Variants in CHD5 observed in about 807,000 individuals in gnomAD.
CHD5 encodes the protein ATP-dependent chromatin remodeler CHD5.
In CHD5, 69 loss-of-function variants were observed where a neutral mutation model predicts 230.3. That is an observed-to-expected ratio of 0.30 (90% CI 0.25 to 0.37). The LOEUF is 0.37. CHD5 is among the 10% of genes least tolerant of loss of function. CHD5 has a pLI of 1.00. For synonymous variants in CHD5, 1,064 were observed against 1,065.9 expected (o/e 1.00, Z 0.03); for missense variants, 1,827 against 2,622.8 (o/e 0.70, Z 6.63).
In CHD5 at chr1:6,136,860, T is replaced by G. The variant is rs1290392160; in HGVS notation, c.2442A>C (p.Glu814Asp). 2 of 1,606,576 alleles carry G rather than the reference T, an allele frequency of 1.2e-6. No individual in the cohort carries two copies. Residue 814 changes from glutamate to aspartate, a missense_variant, in exon 16 of 42, where the codon GAA becomes GAC. Physicochemically the swap from Glu to Asp is conservative, Grantham distance 45 (BLOSUM62 2). Around this residue, in one of 14 missense-constraint regions of CHD5, gnomAD observed 80 missense variants for 96.4 expected, o/e 0.83. Transcript: ENST00000262450. ...GCAGCACGTGGAATTTGATCTGCAC[T>G]TCTTTCTGGAGAAAAGAGGGGCATT... is the stretch of plus-strand genomic sequence containing the variant. Reference protein sequence around the residue: ...SGKKVFRMKKEVQIKFHVLLT... With the variant: ...SGKKVFRMKKDVQIKFHVLLT...
Position 6,146,632 on chromosome 1 carries a change from G to C in CHD5, c.1590+33C>G. 1 of 1,607,500 alleles carries C rather than the reference G, an allele frequency of 6.2e-7. No individual in the cohort carries two copies. Among genetic ancestry groups the C allele is most frequent in the South Asian group, 1.1e-5 (1 of 90,902 alleles). On this transcript the variant is annotated intron_variant, in intron 10 of 41. Coordinates refer to ENST00000262450, the MANE Select transcript of CHD5 (RefSeq NM_015557.3). The surrounding 1 kb of genome is among the most constrained non-coding windows in gnomAD (Gnocchi z 5.1). ...AGGGTCCAGGGCTCACCAGGTCCCGGGCCTTAGCACAGCCACCCTCCCGGG... is the reference window on the plus strand; with the variant it reads ...AGGGTCCAGGGCTCACCAGGTCCCGCGCCTTAGCACAGCCACCCTCCCGGG...
chr1:6,132,183 C>T (rs565526823), intron 20 of CHD5, among the ~76,000 whole-genome samples: 19 of 152,266 alleles, frequency 1.2e-4, no homozygotes, highest in African/African-American at 3.4e-4. Flanking sequence ...GATTTCACTC[C>T]TCCCCATAAG....
In CHD5 at chr1:6,141,569, C is replaced by T. The variant is rs1028292197; in HGVS notation, c.2436+559G>A. Among the ~76,000 whole-genome samples the T allele has an allele frequency of 2.1e-5, 3 of 143,082 alleles. No homozygotes were observed. In the South Asian group the frequency reaches 6.8e-4, roughly 32 times the overall value. 93.9% of individuals were successfully genotyped at this position (143,082 alleles called of 152,430 possible). On this transcript the variant is annotated intron_variant, in intron 15 of 41. Coordinates refer to ENST00000262450, the MANE Select transcript of CHD5 (RefSeq NM_015557.3). ...CGGGGAGGTTGCAGTGAGTCGAGAT[C>T]GCCCCACTGCACTCCAGCCTGGGCG...
chr1:6,115,750 C>T (rs1414278137), intron 33 of CHD5, among the ~76,000 whole-genome samples: 1 of 152,152 alleles, frequency 6.6e-6, no homozygotes, highest in Non-Finnish European at 1.5e-5. Flanking sequence ...TCAACCCACT[C>T]GATACTTTGA....
intron 37 of CHD5, 44 bp downstream of exon 37, chr1:6,110,350 G>A (rs375410975): frequency 1.6e-5 from 25 of 1,574,096 alleles, no homozygotes; most frequent in Middle Eastern, 1.7e-4. Context: ...TCCTGACACC[G>A]TCCCTCCCTG....
At chr1:6,175,161 G>GTGGA in intron 1 of CHD5, among the ~76,000 whole-genome samples, 1 of 150,494 alleles carries the variant, frequency 6.6e-6, no homozygotes, top group African/African-American at 2.4e-5. Flanking sequence ...TGGATGGATG[G>GTGGA]TGGGCGGATG....
Position 6,155,048 on chromosome 1 carries a change from T to C in CHD5, c.507-150A>G, listed in dbSNP as rs541597802. The C allele has an allele frequency of 6.7e-6, 5 of 742,972 alleles. No homozygotes were observed. The highest frequency in any genetic ancestry group is 5.6e-5 in the East Asian group (2 of 35,646). 46.0% of individuals were successfully genotyped at this position (742,972 alleles called of 1,614,324 possible). A position where few individuals can be genotyped will look rare whatever the true frequency, so the allele number is the denominator to read the frequency against. On this transcript the variant is annotated intron_variant, in intron 4 of 41. Transcript: ENST00000262450. This position sits in a 1 kb window ranked among gnomAD's most constrained non-coding sequence, Gnocchi z 4.0. ...TAGAGAGATTAGGCGGGAAACCCACTGACCACAGCCCACCCCCAAAACGCC... is the reference window on the plus strand; with the variant it reads ...TAGAGAGATTAGGCGGGAAACCCACCGACCACAGCCCACCCCCAAAACGCC...
intron 8 of CHD5, 73 bp from the exon 9 acceptor site, chr1:6,149,148 C>A (rs1666957448): frequency 6.8e-7 from 1 of 1,469,398 alleles, no homozygotes; most frequent in Non-Finnish European, 9.0e-7. Flanking sequence ...CCTCCCTCCC[C>A]TACAGCATCT....
chr1:6,128,208 C>T lies in CHD5; in HGVS notation c.3741G>A (p.Lys1247=). The change falls in exon 25 of 42, where the codon AAG becomes AAA. Residue 1247 remains lysine (K), a synonymous_variant. Transcript: ENST00000262450. The surrounding 1 kb of genome is among the most constrained non-coding windows in gnomAD (Gnocchi z 7.8). The part of the protein sequence containing the change: ...KHGSTPPGDN[K]DVEDSSVIHY... ...GGATCACACTGCTGTCCTCCACGTC[C>T]TTGTTGTCACCTGGGGAGCAGGCAA... is the stretch of plus-strand genomic sequence containing the variant. The T allele has an allele frequency of 6.2e-7, 1 of 1,613,994 alleles. No homozygotes were observed. Among genetic ancestry groups the T allele is most frequent in the East Asian group, 2.2e-5 (1 of 44,876 alleles).
chr1:6,162,910 G>C (rs1667200133), intron 2 of CHD5, among the ~76,000 whole-genome samples: 1 of 152,210 alleles, frequency 6.6e-6, no homozygotes, highest in Non-Finnish European at 1.5e-5. Flanking sequence ...ATGGCAAGCA[G>C]TCCCCTCGGC....
intron 6 of CHD5, among the ~76,000 whole-genome samples, chr1:6,151,572 G>C (rs1434039076): frequency 6.6e-6 from 1 of 152,226 alleles, no homozygotes; most frequent in Admixed American, 6.5e-5. Context: ...TACATCACGG[G>C]CTCTCCACCA....
Position 6,179,328 on chromosome 1 carries a change from G to A in CHD5, c.79+617C>T, listed in dbSNP as rs376796752. 9.2e-5 allele frequency among the ~76,000 whole-genome samples: 14 copies of A among 152,258 alleles called. No homozygotes were observed. The East Asian group carries it at 2.3e-3, about 25-fold the overall frequency. On this transcript the variant is annotated intron_variant, in intron 1 of 41. Coordinates refer to ENST00000262450, the MANE Select transcript of CHD5 (RefSeq NM_015557.3). ...CCGGGTAAAGTGCTTGGGAGCGGCG[G>A]TCACAGCGCACAGAGGCCAGGAAAG...
At chr1:6,164,788 C>T (rs1667227511) in intron 2 of CHD5, among the ~76,000 whole-genome samples, 1 of 152,224 alleles carries the variant, frequency 6.6e-6, no homozygotes, top group African/African-American at 2.4e-5. Context: ...GGCCTCTTGT[C>T]CATCCCAGCC....
rs759025918 is a variant in CHD5, at chr1:6,142,604, G to A, written c.2045C>T (p.Pro682Leu). 2 of 1,609,656 alleles carry A rather than the reference G, an allele frequency of 1.2e-6. No homozygotes were observed. The highest frequency in any genetic ancestry group is 1.7e-6 in the Non-Finnish European group (2 of 1,177,796). Reference sequence around the variant, plus strand: ...TGGCTGCTTGTCGAACTTGACCGTGGGCTGCAGGGGAGGCAGCGGTTCAGA... The same window carrying A: ...TGGCTGCTTGTCGAACTTGACCGTGAGCTGCAGGGGAGGCAGCGGTTCAGA... ...EKPPDTPIVD[P>L]TVKFDKQPWY... Residue 682 changes from proline (P) to leucine (L), a missense_variant and splice_region_variant, in exon 14 of 42, where the codon CCC (proline) becomes CTC (leucine). Pro to Leu is a moderately conservative substitution (Grantham distance 98). Transcript: ENST00000262450. This position sits in a 1 kb window ranked among gnomAD's most constrained non-coding sequence, Gnocchi z 5.2.
rs771393714 is a variant in CHD5, at chr1:6,155,903, C to T, written c.388-186G>A. On this transcript the variant is annotated intron_variant, in intron 3 of 41. Coordinates refer to ENST00000262450, the MANE Select transcript of CHD5 (RefSeq NM_015557.3). The surrounding 1 kb of genome is among the most constrained non-coding windows in gnomAD (Gnocchi z 4.0). Reference sequence around the variant, plus strand: ...GCCCTGCAGCCCCGCAGCCCCGCAGCCCCCAATCTGTGCCACGTCTCAGAT... The same window carrying T: ...GCCCTGCAGCCCCGCAGCCCCGCAGTCCCCAATCTGTGCCACGTCTCAGAT... 3.9e-5 allele frequency among the ~76,000 whole-genome samples: 6 copies of T among 152,230 alleles called. No homozygotes were observed. Among genetic ancestry groups the T allele is most frequent in the Admixed American group, 1.3e-4 (2 of 15,280 alleles).
chr1:6,168,110 C>G, intron 2 of CHD5, 40 bp downstream of exon 2: 1 of 1,572,734 alleles, frequency 6.4e-7, no homozygotes, highest in Non-Finnish European at 8.7e-7. Flanking sequence ...GCCACAACCC[C>G]ACCCGCCCCA....
chr1:6,128,456 C>T lies in CHD5; in HGVS notation c.3730+43G>A. The T allele has an allele frequency of 6.7e-7, 1 of 1,496,738 alleles. No individual in the cohort carries two copies. Among genetic ancestry groups the T allele is most frequent in the Non-Finnish European group, 9.3e-7 (1 of 1,076,286 alleles). The allele number at this position is 1,496,738 out of a possible 1,614,324, so 92.7% of individuals were successfully genotyped here. A position where few individuals can be genotyped will look rare whatever the true frequency, so the allele number is the denominator to read the frequency against. On this transcript the variant is annotated intron_variant, in intron 24 of 41. Coordinates refer to ENST00000262450, the MANE Select transcript of CHD5 (RefSeq NM_015557.3). The surrounding 1 kb of genome is among the most constrained non-coding windows in gnomAD (Gnocchi z 7.8). ...ACCCCTCCTCTGCAGGAGCAGCCAC[C>T]TGGTCGGAGGAGGAGCTGAGGCTGG...
At chr1:6,108,741 GAC>G (rs895317864) in intron 38 of CHD5, among the ~76,000 whole-genome samples, 1 of 150,074 alleles carries the variant, frequency 6.7e-6, no homozygotes, top group African/African-American at 2.5e-5. Context: ...ATGATGGAGA[GAC>G]AGAGGGATGG....
Position 6,131,530 on chromosome 1 carries a change from G to A in CHD5, c.3262+101C>T. On this transcript the variant is annotated intron_variant, in intron 21 of 41. Coordinates refer to ENST00000262450, the MANE Select transcript of CHD5 (RefSeq NM_015557.3). This position sits in a 1 kb window ranked among gnomAD's most constrained non-coding sequence, Gnocchi z 5.0. ...GCTGTCTTTAGCTGTTTGTGAGGCT[G>A]CTCAACACAACACCAGCTGGGTGAC... 1.4e-6 allele frequency: 1 copy of A among 697,298 alleles called. No individual in the cohort carries two copies. Among genetic ancestry groups the A allele is most frequent in the Admixed American group, 2.1e-5 (1 of 47,274 alleles). The allele number at this position is 697,298 out of a possible 1,614,324, so 43.2% of individuals were successfully genotyped here. A position where few individuals can be genotyped will look rare whatever the true frequency, so the allele number is the denominator to read the frequency against.
Sources: gnomAD v4.1 joint callset for allele counts (sites outside exome capture counted in the v4.1 genomes callset) on GRCh38, gnomAD v4.1.1 for gene constraint, gnomAD v4.1.1 regional missense constraint, Gnocchi (gnomAD v3.1) non-coding constraint, MANE v1.5 for transcripts, NCBI Gene and HGNC (gene_info 2026-07-23, HGNC 2026-07-21) for gene names.